Variants in CTNNA3 observed in about 807,000 individuals in gnomAD.
CTNNA3 encodes catenin alpha 3.
Under a neutral mutation model 95.7 loss-of-function variants are expected in CTNNA3, and 76 were observed. The ratio of observed to expected loss-of-function variants is 0.79; its 90% confidence interval spans 0.66 to 0.96. The LOEUF (loss-of-function observed/expected upper bound fraction) is 0.96. Among genes scored for constraint, CTNNA3 ranks in the 40% least tolerant of loss-of-function variants. The pLI is 0.00. For synonymous variants in CTNNA3, 431 were observed against 374.4 expected, an observed-to-expected ratio of 1.15 and a Z score of -1.74; for missense variants, 1,191 against 1,089.8, an observed-to-expected ratio of 1.09 and a Z score of -1.31.
chr10:67,091,335 C>T (rs1358941306), intron 7 of CTNNA3, among the ~76,000 whole-genome samples: 1 of 151,686 alleles, frequency 6.6e-6, no homozygotes, highest in African/African-American at 2.4e-5. Context: ...CAGTGTGATA[C>T]ATACACAAAC....
intron 13 of CTNNA3, among the ~76,000 whole-genome samples, chr10:66,152,540 T>A (rs192135165): frequency 1.5e-3 from 230 of 152,090 alleles, no homozygotes; most frequent in Non-Finnish European, 2.5e-3. Context: ...ATTCACTGTA[T>A]CAGAATGTCT....
At chr10:67,351,590 G>A (rs1408604446) in intron 5 of CTNNA3, among the ~76,000 whole-genome samples, 2 of 152,090 alleles carry the variant, frequency 1.3e-5, no homozygotes, top group East Asian at 3.9e-4. Flanking sequence ...CCAGCGTGTT[G>A]TTTACCACCT....
Position 65,935,676 on chromosome 10 carries a change from A to G in CTNNA3, c.2401-15059T>C, listed in dbSNP as rs2077326129. On this transcript the variant is annotated intron_variant, in intron 17 of 17. Coordinates refer to ENST00000433211, the MANE Select transcript of CTNNA3 (RefSeq NM_013266.4). ...GTTCAGCGAAATGGTTGTGTATCTT[A>G]GGGTCACGGAGAACATTCATTTTCT... Among the ~76,000 whole-genome samples, 5 of 152,240 alleles carry G rather than the reference A, an allele frequency of 3.3e-5. No homozygotes were observed. The South Asian group carries it at 1.0e-3, about 32-fold the overall frequency.
At chr10:66,252,616 C>T (rs529499096) in intron 13 of CTNNA3, among the ~76,000 whole-genome samples, 6 of 152,176 alleles carry the variant, frequency 3.9e-5, no homozygotes, top group South Asian at 2.1e-4. Context: ...ATACCTAATT[C>T]GTAAACTGGG....
In CTNNA3 at chr10:67,319,637, T is replaced by C. The variant is rs1841221011; in HGVS notation, c.580-99767A>G. 2.6e-5 allele frequency among the ~76,000 whole-genome samples: 4 copies of C among 152,168 alleles called. No individual in the cohort carries two copies. In the South Asian group the frequency reaches 8.3e-4, roughly 32 times the overall value. On this transcript the variant is annotated intron_variant, in intron 5 of 17. Coordinates refer to ENST00000433211, the MANE Select transcript of CTNNA3 (RefSeq NM_013266.4). ...ATGGCCAGGTGCAGTGGCTCACACC[T>C]GTAATCGCAACACTTTGGGAAGCCT...
chr10:66,674,851 T>G (rs1014774699), intron 9 of CTNNA3, among the ~76,000 whole-genome samples: 5 of 152,166 alleles, frequency 3.3e-5, no homozygotes, highest in Admixed American at 3.3e-4. Flanking sequence ...AAAGGTTGAT[T>G]TATTCCCAGG....
intron 7 of CTNNA3, among the ~76,000 whole-genome samples, chr10:66,910,934 T>A (rs1286897459): frequency 6.6e-6 from 1 of 152,216 alleles, no homozygotes; most frequent in Non-Finnish European, 1.5e-5. Flanking sequence ...GATAGTATAT[T>A]GGGAAAGTAG....
intron 5 of CTNNA3, among the ~76,000 whole-genome samples, chr10:67,355,911 C>T (rs1166480770): frequency 2.0e-5 from 3 of 151,984 alleles, no homozygotes; most frequent in Non-Finnish European, 4.4e-5. Context: ...CTGCCCTTCT[C>T]CCAGCCTCCA....
At chr10:67,305,146 G>T (rs1202715264) in intron 5 of CTNNA3, among the ~76,000 whole-genome samples, 1 of 151,952 alleles carries the variant, frequency 6.6e-6, no homozygotes, top group African/African-American at 2.4e-5. Flanking sequence ...AGTGGTGGGG[G>T]GCGCCCGTAG....
chr10:67,605,817 C>T (rs917561162), intron 3 of CTNNA3, among the ~76,000 whole-genome samples: 2 of 152,056 alleles, frequency 1.3e-5, no homozygotes, highest in African/African-American at 4.8e-5. Flanking sequence ...TTTACAGGCG[C>T]CTGCCACCAC....
chr10:66,475,060 C>T (rs1038959434), intron 11 of CTNNA3, among the ~76,000 whole-genome samples: 5 of 151,872 alleles, frequency 3.3e-5, no homozygotes, highest in African/African-American at 1.2e-4. Context: ...GTAGAAGAGA[C>T]TTGGATACCC....
chr10:66,379,915 A>T (rs1476828552), intron 11 of CTNNA3, among the ~76,000 whole-genome samples: 1 of 152,188 alleles, frequency 6.6e-6, no homozygotes, highest in Non-Finnish European at 1.5e-5. Flanking sequence ...TCATAAAATG[A>T]TTAATACTCC....
At chr10:66,893,979 C>T (rs12775867) in intron 7 of CTNNA3, among the ~76,000 whole-genome samples, 73,462 of 151,880 alleles carry the variant, frequency 0.48, 18,160 homozygotes, top group African/African-American at 0.52. Context: ...TTTTAAAATT[C>T]TCTGAATCAA....
intron 5 of CTNNA3, among the ~76,000 whole-genome samples, chr10:67,388,534 C>T (rs1163004452): frequency 2.2e-5 from 3 of 138,278 alleles, no homozygotes; most frequent in East Asian, 4.3e-4. Flanking sequence ...GGCAGGCCAA[C>T]GTTCAGATTC....
At chr10:67,596,541 A>G (rs1361685010) in intron 3 of CTNNA3, among the ~76,000 whole-genome samples, 1 of 152,214 alleles carries the variant, frequency 6.6e-6, no homozygotes, top group Non-Finnish European at 1.5e-5. Flanking sequence ...ACTGAATATG[A>G]ACTTCCTGGT....
chr10:66,307,792 T>C (rs2091953669), intron 12 of CTNNA3, among the ~76,000 whole-genome samples: 1 of 152,204 alleles, frequency 6.6e-6, no homozygotes, highest in South Asian at 2.1e-4. Context: ...CTAAAACATA[T>C]CCTTTGCAAA....
chr10:67,512,459 C>T (rs1278667939), intron 5 of CTNNA3, among the ~76,000 whole-genome samples: 1 of 152,164 alleles, frequency 6.6e-6, no homozygotes, highest in East Asian at 1.9e-4. Context: ...CAGCATCATT[C>T]ATGATAGTCA....
intron 5 of CTNNA3, among the ~76,000 whole-genome samples, chr10:67,271,979 T>C (rs1386976463): frequency 6.6e-6 from 1 of 152,178 alleles, no homozygotes; most frequent in African/African-American, 2.4e-5. Context: ...AATAGAGGGC[T>C]ACTAGTAAAT....
intron 7 of CTNNA3, among the ~76,000 whole-genome samples, chr10:66,808,498 T>G (rs1036118920): frequency 2.0e-5 from 3 of 152,178 alleles, no homozygotes; most frequent in African/African-American, 4.8e-5. Context: ...GGGAGTGGTT[T>G]GGCAGTTACT....
Sources: allele counts gnomAD v4.1 joint callset (sites outside exome capture counted in the v4.1 genomes callset), GRCh38; gene constraint gnomAD v4.1.1; transcripts MANE v1.5; gene names NCBI Gene and HGNC (gene_info 2026-07-23, HGNC 2026-07-21).